DCC: variants seen among roughly 807,000 people sequenced by gnomAD.
DCC encodes the protein netrin receptor DCC.
Under a neutral mutation model 172.5 loss-of-function variants are expected in DCC, and 58 were observed. The ratio of observed to expected loss-of-function variants is 0.34; its 90% CI spans 0.27 to 0.42. DCC has a LOEUF of 0.42. Among genes scored for constraint, DCC ranks in the 10% least tolerant of loss-of-function variants. The probability of loss-of-function intolerance (pLI) is 1.00; values close to 1 mark genes in which losing one functional copy is unlikely to be tolerated. For missense variants in DCC, 1,740 were observed against 1,791.0 expected (o/e 0.97, Z 0.51); for synonymous variants, 709 against 644.5 (o/e 1.10, Z -1.52).
chr18:53,274,218 A>G (rs2056780691), intron 12 of DCC, among the ~76,000 whole-genome samples: 1 of 152,128 alleles, frequency 6.6e-6, no homozygotes, highest in Non-Finnish European at 1.5e-5. Context: ...TTCAGTGTAG[A>G]CAACATGTGA....
intron 12 of DCC, among the ~76,000 whole-genome samples, chr18:53,287,763 C>T (rs2056952878): frequency 6.6e-6 from 1 of 152,062 alleles, no homozygotes; most frequent in East Asian, 1.9e-4. Context: ...ACTTTTCTAA[C>T]AAAGAACTTT....
intron 7 of DCC, among the ~76,000 whole-genome samples, chr18:53,154,309 G>A (rs548248287): frequency 1.3e-5 from 2 of 152,156 alleles, no homozygotes; most frequent in South Asian, 4.1e-4. Flanking sequence ...CTGATTCTCT[G>A]CAGTATTTCT....
chr18:53,449,859 T>C (rs545836634), intron 22 of DCC, among the ~76,000 whole-genome samples: 139 of 152,244 alleles, frequency 9.1e-4, no homozygotes, highest in South Asian at 6.8e-3. Flanking sequence ...AACATTGTCA[T>C]CATTCCAAAA....
intron 13 of DCC, among the ~76,000 whole-genome samples, chr18:53,312,268 G>A (rs897111387): frequency 1.6e-4 from 24 of 146,794 alleles, no homozygotes; most frequent in Admixed American, 8.9e-4. Context: ...ATGAATCCGG[G>A]AGGTGGGGCT....
At chr18:52,990,325 G>A (rs2041364153) in intron 5 of DCC, among the ~76,000 whole-genome samples, 1 of 152,042 alleles carries the variant, frequency 6.6e-6, no homozygotes, top group African/African-American at 2.4e-5. Flanking sequence ...CAGATCACCT[G>A]AGGTCAGGAG....
intron 1 of DCC, among the ~76,000 whole-genome samples, chr18:52,376,862 G>A (rs1438545275): frequency 1.3e-5 from 2 of 152,196 alleles, no homozygotes; most frequent in African/African-American, 2.4e-5. Flanking sequence ...ATGTGTAAAA[G>A]TTGAGGAAGG....
At chr18:52,983,217 G>A (rs2041238355) in intron 5 of DCC, among the ~76,000 whole-genome samples, 1 of 152,142 alleles carries the variant, frequency 6.6e-6, no homozygotes, top group Non-Finnish European at 1.5e-5. Context: ...AGACACCAGA[G>A]TTAAGACTTG....
rs543613382 is a variant in DCC at position 52,999,538 on chromosome 18, A to G, written c.986-63767A>G. Among the ~76,000 whole-genome samples the G allele has an allele frequency of 5.3e-5, 8 of 152,192 alleles. No homozygotes were observed. The East Asian group carries it at 1.5e-3, about 29-fold the overall frequency. Reference sequence around the variant, plus strand: ...ACTAAGAAAGTGAATTTGGGCTTTAATAAAAACACTGGCCTTATATCTGAC... The same window carrying G: ...ACTAAGAAAGTGAATTTGGGCTTTAGTAAAAACACTGGCCTTATATCTGAC... On this transcript the variant is annotated intron_variant, in intron 5 of 28. Coordinates refer to ENST00000442544, the MANE Select transcript of DCC (RefSeq NM_005215.4).
chr18:53,332,000 G>A (rs921107211), intron 14 of DCC, among the ~76,000 whole-genome samples: 5 of 152,148 alleles, frequency 3.3e-5, no homozygotes, highest in African/African-American at 4.8e-5. Context: ...TGTGGATTCT[G>A]GTGAATTATT....
chr18:53,445,388 C>T lies in DCC; in HGVS notation c.3230-5112C>T, dbSNP rs111702531. Among the ~76,000 whole-genome samples, 475 of 152,308 alleles carry T rather than the reference C, an allele frequency of 3.1e-3. 1 individual carries two copies. Among genetic ancestry groups the T allele is most frequent in the Non-Finnish European group, 5.9e-3 (398 of 68,026 alleles). On this transcript the variant is annotated intron_variant, in intron 22 of 28. Coordinates refer to ENST00000442544, the MANE Select transcript of DCC (RefSeq NM_005215.4). Reference sequence around the variant, plus strand: ...CTTTCATTGGACCTCTTTCCTTCCTCGGAAGTGAACTTGTCATTCTTACAT... The same window carrying T: ...CTTTCATTGGACCTCTTTCCTTCCTTGGAAGTGAACTTGTCATTCTTACAT...
chr18:52,865,320 A>G (rs1282371539), intron 2 of DCC, among the ~76,000 whole-genome samples: 2 of 152,170 alleles, frequency 1.3e-5, no homozygotes, highest in African/African-American at 4.8e-5. Flanking sequence ...GTGTCTTTAT[A>G]GTAGAATGAT....
intron 3 of DCC, among the ~76,000 whole-genome samples, chr18:52,912,391 A>T (rs1229617931): frequency 1.3e-5 from 2 of 152,004 alleles, no homozygotes; most frequent in Admixed American, 6.6e-5. Context: ...TCTGGTAATA[A>T]ATTACCTGAT....
intron 21 of DCC, among the ~76,000 whole-genome samples, chr18:53,427,943 TTATAATATATAATATAATAA>T (rs1432274933): frequency 9.6e-5 from 5 of 52,242 alleles, no homozygotes; most frequent in African/African-American, 2.8e-4. Flanking sequence ...ATATAATATA[TTATAATATATAATATAATAA>T]TATAATATAT....
At chr18:53,183,456 A>G (rs1404341269) in intron 9 of DCC, among the ~76,000 whole-genome samples, 1 of 151,992 alleles carries the variant, frequency 6.6e-6, no homozygotes, top group Non-Finnish European at 1.5e-5. Context: ...ATCTTTTCAT[A>G]CCACATGTGG....
At chr18:52,676,160 A>G (rs1175306942) in intron 1 of DCC, among the ~76,000 whole-genome samples, 3 of 152,216 alleles carry the variant, frequency 2.0e-5, no homozygotes, top group Non-Finnish European at 4.4e-5. Context: ...AAGACTCCAC[A>G]GAGGCGGAAA....
chr18:52,901,816 T>C (rs568180538), intron 2 of DCC, among the ~76,000 whole-genome samples: 1 of 152,336 alleles, frequency 6.6e-6, no homozygotes, highest in African/African-American at 2.4e-5. Context: ...CTTTTTTCTT[T>C]CAGTAAATAT....
intron 9 of DCC, among the ~76,000 whole-genome samples, chr18:53,189,113 G>A (rs974346444): frequency 2.0e-5 from 3 of 152,068 alleles, no homozygotes; most frequent in African/African-American, 7.2e-5. Context: ...AATGTCATCT[G>A]TTGGAGGACT....
chr18:52,981,645 A>G (rs1420580612), intron 5 of DCC, among the ~76,000 whole-genome samples: 2 of 152,174 alleles, frequency 1.3e-5, no homozygotes, highest in Non-Finnish European at 2.9e-5. Context: ...TGAGATTGGT[A>G]CAATTAATGT....
chr18:52,969,038 G>A (rs2040980348), intron 5 of DCC, among the ~76,000 whole-genome samples: 1 of 151,982 alleles, frequency 6.6e-6, no homozygotes, highest in South Asian at 2.1e-4. Context: ...GGTTCTCCTG[G>A]TCTCACTTTT....
Sources: allele counts gnomAD v4.1 joint callset (sites outside exome capture counted in the v4.1 genomes callset), GRCh38; gene constraint gnomAD v4.1.1; transcripts MANE v1.5; gene names NCBI Gene and HGNC (gene_info 2026-07-23, HGNC 2026-07-21).